The following ITGA9 variants were observed in gnomAD, a reference collection of about 807,000 sequenced individuals.
ITGA9 encodes integrin subunit alpha 9, also known as integrin alpha-9.
ITGA9 carries 56 observed loss-of-function variants against 127.8 expected under a neutral mutation model. The ratio of observed to expected loss-of-function variants is 0.44; its 90% CI spans 0.35 to 0.55. The LOEUF is 0.55. Ranked by LOEUF, ITGA9 falls within the 20% of genes least tolerant of loss-of-function variation. ITGA9 has a pLI of 0.00. For missense variants in ITGA9, 1,196 were observed against 1,347.1 expected (o/e 0.89, Z 1.76); for synonymous variants, 508 against 514.5 (o/e 0.99, Z 0.17).
chr3:37,741,832 G>A lies in ITGA9; in HGVS notation c.2324+13G>A. On this transcript the variant is annotated intron_variant, in intron 21 of 27. Transcript: ENST00000264741. ...CGTCCATCACCGGGTGAGTAGCCTG[G>A]TCCTGGGTTGCCACAACACAGGAGT... is the stretch of plus-strand genomic sequence containing the variant. 6.2e-7 allele frequency: 1 copy of A among 1,606,884 alleles called. No homozygotes were observed. The highest frequency in any genetic ancestry group is 1.1e-5 in the South Asian group (1 of 90,108).
At chr3:37,732,599 C>A in intron 18 of ITGA9, 113 bp from the exon 19 acceptor site, 1 of 799,382 alleles carries the variant, frequency 1.3e-6, no homozygotes, top group Non-Finnish European at 2.2e-6. Flanking sequence ...TCTCGTCCCA[C>A]TGGTGCCTAC....
intron 20 of ITGA9, among the ~76,000 whole-genome samples, chr3:37,739,966 T>C (rs1435750068): frequency 6.6e-6 from 1 of 152,158 alleles, no homozygotes; most frequent in African/African-American, 2.4e-5. Flanking sequence ...ATCCTGCTGC[T>C]TTTGCAAACT....
In ITGA9 at chr3:37,473,390, G is replaced by A. The variant is rs546664420; in HGVS notation, c.350G>A (p.Arg117Gln). 36 of 1,613,988 alleles carry A rather than the reference G, an allele frequency of 2.2e-5. No homozygotes were observed. The highest frequency in any genetic ancestry group is 3.0e-5 in the Non-Finnish European group (35 of 1,180,016). The change falls in exon 3 of 28, where the codon CGG becomes CAG. Residue 117 changes from arginine (R) to glutamine (Q), a missense_variant. Transcript: ENST00000264741. ...NRGTSCGKTC[R>Q]EDRDDEWMGV... is the part of the protein sequence containing the mutation. ...GGCACGTCCTGCGGAAAGACCTGCCGGGAAGACCGCGATGATGAGTGGATG... is the reference window on the plus strand; with the variant it reads ...GGCACGTCCTGCGGAAAGACCTGCCAGGAAGACCGCGATGATGAGTGGATG...
intron 15 of ITGA9, among the ~76,000 whole-genome samples, chr3:37,604,749 C>A (rs1699952692): frequency 6.6e-6 from 1 of 152,156 alleles, no homozygotes; most frequent in Non-Finnish European, 1.5e-5. Flanking sequence ...TTCTCACTCA[C>A]CCCTTTAAGA....
At chr3:37,812,233 A>G (rs1697376932) in intron 27 of ITGA9, among the ~76,000 whole-genome samples, 1 of 152,252 alleles carries the variant, frequency 6.6e-6, no homozygotes, top group South Asian at 2.1e-4. Context: ...TGCACTGTCG[A>G]CATCTCGAGA....
At chr3:37,541,656 A>G (rs796816229) in intron 14 of ITGA9, among the ~76,000 whole-genome samples, 17 of 152,134 alleles carry the variant, frequency 1.1e-4, no homozygotes, top group African/African-American at 3.4e-4. Context: ...GCAGGAGAGG[A>G]CCTCAGTACA....
At chr3:37,605,205 G>A (rs1418130665) in intron 15 of ITGA9, among the ~76,000 whole-genome samples, 1 of 152,150 alleles carries the variant, frequency 6.6e-6, no homozygotes, top group Non-Finnish European at 1.5e-5. Context: ...TCCAAGAGTA[G>A]TAGGGAGCCT....
chr3:37,453,122 C>G (rs1549597), intron 1 of ITGA9, among the ~76,000 whole-genome samples: 45,970 of 148,860 alleles, frequency 0.31, 7,980 homozygotes, highest in East Asian at 0.46. Context: ...GGCGCCCCCC[C>G]CCCCCCCCAG....
At chr3:37,503,128 C>G (rs776524698) in intron 5 of ITGA9, 50 bp from the exon 6 acceptor site, 1 of 1,606,738 alleles carries the variant, frequency 6.2e-7, no homozygotes, top group Non-Finnish European at 8.5e-7. Flanking sequence ...CATTCCCCTC[C>G]TCCCCTCCTC....
chr3:37,729,541 G>A (rs954194392), intron 18 of ITGA9, among the ~76,000 whole-genome samples: 13 of 152,110 alleles, frequency 8.5e-5, no homozygotes, highest in Non-Finnish European at 1.5e-5. Context: ...ACAAAAATAA[G>A]GTAGCTGAGC....
At chr3:37,472,389 G>T (rs531262969) in intron 2 of ITGA9, among the ~76,000 whole-genome samples, 8 of 152,178 alleles carry the variant, frequency 5.3e-5, no homozygotes, top group African/African-American at 1.7e-4. Flanking sequence ...TAATTTTTTT[G>T]TTGTTTTTTG....
rs78897791 is a variant in ITGA9 at position 37,623,814 on chromosome 3, G to A, written c.1690-5373G>A. On this transcript the variant is annotated intron_variant, in intron 15 of 27. Coordinates refer to ENST00000264741, the MANE Select transcript of ITGA9 (RefSeq NM_002207.3). ...TGTTTTCTTTTAAAAGAGTCTTCAA[G>A]CTGATGAAAATTTTAAAGTAGCTTA... Among the ~76,000 whole-genome samples, 805 of 152,084 alleles carry A rather than the reference G, an allele frequency of 5.3e-3. 9 individuals are homozygous for A. Among genetic ancestry groups the A allele is most frequent in the African/African-American group, 0.018 (753 of 41,462 alleles).
At chr3:37,671,325 G>T (rs1046674204) in intron 17 of ITGA9, among the ~76,000 whole-genome samples, 2 of 152,228 alleles carry the variant, frequency 1.3e-5, no homozygotes, top group African/African-American at 4.8e-5. Context: ...TGAGGCAGGA[G>T]GAGGGAGACT....
intron 17 of ITGA9, among the ~76,000 whole-genome samples, chr3:37,665,458 CT>C (rs201575002): frequency 6.6e-6 from 1 of 151,092 alleles, no homozygotes; most frequent in Non-Finnish European, 1.5e-5. Context: ...TGTGGGCCTT[CT>C]TTTTTTTTCC....
intron 15 of ITGA9, among the ~76,000 whole-genome samples, chr3:37,548,352 G>A (rs1287155961): frequency 1.3e-5 from 2 of 152,110 alleles, no homozygotes; most frequent in Non-Finnish European, 2.9e-5. Flanking sequence ...TTTCTGGGGC[G>A]ATGAACATAT....
At chr3:37,735,662 G>C (rs1415784182) in intron 19 of ITGA9, among the ~76,000 whole-genome samples, 3 of 152,196 alleles carry the variant, frequency 2.0e-5, no homozygotes, top group Non-Finnish European at 2.9e-5. Context: ...ACCTGGTCCT[G>C]TGACCCCTAC....
chr3:37,522,760 A>G (rs1183016635), intron 11 of ITGA9, among the ~76,000 whole-genome samples: 1 of 152,092 alleles, frequency 6.6e-6, no homozygotes, highest in African/African-American at 2.4e-5. Context: ...TTGTTTTTAA[A>G]AAACATATAA....
At chr3:37,458,615 A>C (rs552775791) in intron 1 of ITGA9, among the ~76,000 whole-genome samples, 29 of 152,214 alleles carry the variant, frequency 1.9e-4, no homozygotes, top group South Asian at 4.1e-4. Context: ...AACAGCATGA[A>C]GTGACCCACA....
At chr3:37,592,820 G>T (rs1428956566) in intron 15 of ITGA9, among the ~76,000 whole-genome samples, 1 of 152,198 alleles carries the variant, frequency 6.6e-6, no homozygotes, top group African/African-American at 2.4e-5. Context: ...CAAGTGCCCA[G>T]CAGGGGTGGG....
Sources: gnomAD v4.1 joint callset for allele counts (sites outside exome capture counted in the v4.1 genomes callset) on GRCh38, gnomAD v4.1.1 for gene constraint, MANE v1.5 for transcripts, NCBI Gene and HGNC (gene_info 2026-07-23, HGNC 2026-07-21) for gene names.